Variants in TBCK observed in about 807,000 individuals in gnomAD.
TBCK encodes TBC domain-containing protein kinase-like protein.
TBCK carries 99 observed loss-of-function variants against 113.4 expected under a neutral mutation model. That is an observed-to-expected ratio of 0.87 (90% CI 0.74 to 1.03). TBCK has a LOEUF of 1.03. Among genes scored for constraint, TBCK ranks in the 50% least tolerant of loss-of-function variants. The pLI is 0.00. For synonymous variants in TBCK, 369 were observed against 370.8 expected (o/e 1.00, Z 0.05); for missense variants, 1,045 against 1,061.3 (o/e 0.98, Z 0.21).
chr4:106,108,489 C>A (rs1222926272), intron 24 of TBCK, among the ~76,000 whole-genome samples: 1 of 152,156 alleles, frequency 6.6e-6, no homozygotes, highest in East Asian at 1.9e-4. Context: ...ATTACATAAG[C>A]AGAACTAAAG....
chr4:106,269,814 T>C (rs1034457576), intron 3 of TBCK, among the ~76,000 whole-genome samples: 4 of 152,134 alleles, frequency 2.6e-5, no homozygotes, highest in Non-Finnish European at 4.4e-5. Context: ...AAATTAACTT[T>C]CCAACTTGAA....
At chr4:106,108,516 T>G (rs935949121) in intron 24 of TBCK, among the ~76,000 whole-genome samples, 1 of 152,192 alleles carries the variant, frequency 6.6e-6, no homozygotes, top group East Asian at 1.9e-4. Context: ...ACTACATAAT[T>G]AACTCAACAG....
chr4:106,236,595 T>C (rs1759500053), intron 13 of TBCK, 76 bp from the exon 14 acceptor site: 2 of 1,255,048 alleles, frequency 1.6e-6, no homozygotes, highest in East Asian at 5.8e-5. Context: ...TTCCTAACTC[T>C]ACCAACAGTG....
chr4:106,191,848 C>T (rs1753705437), intron 22 of TBCK, among the ~76,000 whole-genome samples: 1 of 152,042 alleles, frequency 6.6e-6, no homozygotes, highest in African/African-American at 2.4e-5. Context: ...CTCTGAACAA[C>T]ATGAGTGTTT....
intron 23 of TBCK, among the ~76,000 whole-genome samples, chr4:106,151,417 A>T (rs545892238): frequency 6.6e-6 from 1 of 151,916 alleles, no homozygotes; most frequent in African/African-American, 2.4e-5. Context: ...CATGAGTTCA[A>T]TTTATTTTAA....
chr4:106,055,147 C>T (rs1201797455), intron 25 of TBCK, among the ~76,000 whole-genome samples: 2 of 151,638 alleles, frequency 1.3e-5, no homozygotes, highest in Admixed American at 6.6e-5. Flanking sequence ...GTTTTACTTT[C>T]TACTCTTAGG....
intron 1 of TBCK, among the ~76,000 whole-genome samples, chr4:106,312,257 TAAAG>T (rs1768277074): frequency 1.3e-5 from 2 of 152,004 alleles, no homozygotes; most frequent in Admixed American, 6.5e-5. Context: ...TCGGAGTCTA[TAAAG>T]AAATACCACA....
At chr4:106,256,391 A>G (rs1265748224) in intron 5 of TBCK, among the ~76,000 whole-genome samples, 1 of 152,188 alleles carries the variant, frequency 6.6e-6, no homozygotes, top group Non-Finnish European at 1.5e-5. Context: ...TTGGTGTCCG[A>G]AGTCCACAGG....
intron 12 of TBCK, among the ~76,000 whole-genome samples, chr4:106,241,762 T>C (rs961573116): frequency 2.6e-5 from 4 of 151,960 alleles, no homozygotes; most frequent in African/African-American, 9.7e-5. Flanking sequence ...TGTGAAACAA[T>C]TATTTAAATC....
At chr4:106,299,880 A>G (rs1766736772) in intron 2 of TBCK, among the ~76,000 whole-genome samples, 1 of 152,216 alleles carries the variant, frequency 6.6e-6, no homozygotes, top group Non-Finnish European at 1.5e-5. Context: ...CTTACTTCTA[A>G]CAAAGATTTG....
chr4:106,287,912 TA>T (rs1248220230), intron 3 of TBCK, among the ~76,000 whole-genome samples: 2 of 152,180 alleles, frequency 1.3e-5, no homozygotes, highest in Non-Finnish European at 2.9e-5. Context: ...TATGAGTTAA[TA>T]AATTTTTATT....
intron 23 of TBCK, among the ~76,000 whole-genome samples, chr4:106,154,754 T>A (rs1486223395): frequency 6.6e-6 from 1 of 152,186 alleles, no homozygotes; most frequent in East Asian, 1.9e-4. Flanking sequence ...AGTGGAACTG[T>A]GAGTCAATTA....
In TBCK at chr4:106,305,461, T is replaced by C. The variant is rs373584862; in HGVS notation, c.193+3307A>G. Among the ~76,000 whole-genome samples the C allele has an allele frequency of 7.9e-5, 12 of 151,998 alleles. No individual in the cohort carries two copies. In the East Asian group the frequency reaches 1.9e-3, roughly 24 times the overall value. On this transcript the variant is annotated intron_variant, in intron 2 of 25. Transcript: ENST00000394708. ...ACAGAAGAGCCATTGCTCTGTGGTC[T>C]AAAGTCCTTTATCCCACCAAAACCT... is the stretch of plus-strand genomic sequence containing the variant.
intron 22 of TBCK, chr4:106,182,534 A>C (rs963889571): frequency 6.6e-6 from 1 of 152,122 alleles, no homozygotes; most frequent in Non-Finnish European, 1.5e-5. Flanking sequence ...TTATGTTGAG[A>C]TACATTCCAT....
chr4:106,302,131 T>C (rs1313519599), intron 2 of TBCK, among the ~76,000 whole-genome samples: 1 of 152,186 alleles, frequency 6.6e-6, no homozygotes, highest in Non-Finnish European at 1.5e-5. Context: ...ACAATCCATA[T>C]TTTCATTTCA....
chr4:106,194,754 G>T lies in TBCK; in HGVS notation c.1861C>A (p.Leu621Ile), dbSNP rs1490705148. The T allele has an allele frequency of 6.3e-7, 1 of 1,579,678 alleles. No homozygotes were observed. Among genetic ancestry groups the T allele is most frequent in the Non-Finnish European group, 8.6e-7 (1 of 1,168,642 alleles). The change falls in exon 21 of 26, where the codon CTC becomes ATC. Residue 621 changes from leucine (L) to isoleucine (I), a missense_variant and splice_region_variant. Transcript: ENST00000394708. ...GTAAGAAACCAAGGGATGGCATAGAGCTATGAGTGGAAAAAGGGGTACAGG... is the reference window on the plus strand; with the variant it reads ...GTAAGAAACCAAGGGATGGCATAGATCTATGAGTGGAAAAAGGGGTACAGG... ...HLNEIGFIPD[L>I]YAIPWFLTMF...
intron 25 of TBCK, among the ~76,000 whole-genome samples, chr4:106,060,940 T>C (rs1160785646): frequency 2.0e-5 from 3 of 151,652 alleles, no homozygotes; most frequent in African/African-American, 7.3e-5. Context: ...ATGGTGGAAA[T>C]AGTAAAAGAA....
intron 23 of TBCK, among the ~76,000 whole-genome samples, chr4:106,119,116 G>C (rs368416059): frequency 7.9e-5 from 12 of 151,976 alleles, no homozygotes; most frequent in African/African-American, 2.9e-4. Context: ...CCACTTAGAG[G>C]CATAAAAGTA....
At chr4:106,215,444 C>A (rs936169474) in intron 19 of TBCK, among the ~76,000 whole-genome samples, 4 of 152,202 alleles carry the variant, frequency 2.6e-5, no homozygotes, top group African/African-American at 9.6e-5. Context: ...AGTCAAGACC[C>A]ATCAGTGTGC....
Sources: allele counts gnomAD v4.1 joint callset (sites outside exome capture counted in the v4.1 genomes callset), GRCh38; gene constraint gnomAD v4.1.1; transcripts MANE v1.5; gene names NCBI Gene and HGNC (gene_info 2026-07-23, HGNC 2026-07-21).